Variants in INPP5A observed in about 807,000 individuals in gnomAD.
The protein encoded by INPP5A is inositol polyphosphate-5-phosphatase A, also known as 43 kDa inositol polyphosphate 5-phophatase.
INPP5A carries 14 observed loss-of-function variants against 65.2 expected under a neutral mutation model. The ratio of observed to expected loss-of-function variants is 0.21; its 90% CI spans 0.14 to 0.34. INPP5A has a LOEUF of 0.34. Among genes scored for constraint, INPP5A ranks in the 10% least tolerant of loss-of-function variants. The probability of loss-of-function intolerance (pLI) is 1.00; values close to 1 mark genes in which losing one functional copy is unlikely to be tolerated. For missense variants in INPP5A, 431 were observed against 545.6 expected (o/e 0.79, Z 2.09); for synonymous variants, 207 against 208.3 (o/e 0.99, Z 0.05).
chr10:132,599,292 G>A (rs573945501), intron 1 of INPP5A, among the ~76,000 whole-genome samples: 73 of 152,302 alleles, frequency 4.8e-4, no homozygotes, highest in Middle Eastern at 3.4e-3. Context: ...AAATACAGCC[G>A]TTCCAAATGG....
rs1022802402 is a variant in INPP5A at position 132,650,352 on chromosome 10, G to A, written c.219-66G>A. On this transcript the variant is annotated intron_variant, in intron 3 of 15. Transcript: ENST00000368594. This position sits in a 1 kb window ranked among gnomAD's most constrained non-coding sequence, Gnocchi z 5.5. Reference sequence around the variant, plus strand: ...TGCTGGAGCCCCTCTTATACCTTGTGGTCATCTCATGAGGTGCAAGGCGTC... The same window carrying A: ...TGCTGGAGCCCCTCTTATACCTTGTAGTCATCTCATGAGGTGCAAGGCGTC... 1.7e-5 allele frequency: 18 copies of A among 1,041,316 alleles called. No homozygotes were observed. Among genetic ancestry groups the A allele is most frequent in the Non-Finnish European group, 2.6e-5 (17 of 660,602 alleles). The allele number at this position is 1,041,316 out of a possible 1,614,324, so 64.5% of individuals were successfully genotyped here.
chr10:132,547,692 G>A lies in INPP5A; in HGVS notation c.75+9521G>A, dbSNP rs1476502301. ...GCTTGAGGGGCTCTTTTTTCAAAGGGTTCCTCCGGGACGCCTCGCCTAGGC... is the reference window on the plus strand; with the variant it reads ...GCTTGAGGGGCTCTTTTTTCAAAGGATTCCTCCGGGACGCCTCGCCTAGGC... On this transcript the variant is annotated intron_variant, in intron 1 of 15. Transcript: ENST00000368594. The surrounding 1 kb of genome is among the most constrained non-coding windows in gnomAD (Gnocchi z 5.5). Among the ~76,000 whole-genome samples, 2 of 152,056 alleles carry A rather than the reference G, an allele frequency of 1.3e-5. No homozygotes were observed. The highest frequency in any genetic ancestry group is 2.9e-5 in the Non-Finnish European group (2 of 67,998).
Position 132,702,109 on chromosome 10 carries a change from G to A in INPP5A, c.474+4190G>A, listed in dbSNP as rs569442334. Among the ~76,000 whole-genome samples the A allele has an allele frequency of 4.6e-5, 7 of 152,338 alleles. No homozygotes were observed. The East Asian group carries it at 7.7e-4, about 17-fold the overall frequency. On this transcript the variant is annotated intron_variant, in intron 6 of 15. Coordinates refer to ENST00000368594, the MANE Select transcript of INPP5A (RefSeq NM_005539.5). Reference sequence around the variant, plus strand: ...ATTTGTTCCTGCTGTAAAATCCCTCGAAACATAGTCTTAGTGCAGTGGTAG... The same window carrying A: ...ATTTGTTCCTGCTGTAAAATCCCTCAAAACATAGTCTTAGTGCAGTGGTAG...
intron 1 of INPP5A, among the ~76,000 whole-genome samples, chr10:132,607,397 G>A (rs962215098): frequency 6.6e-5 from 10 of 152,322 alleles, no homozygotes; most frequent in Admixed American, 5.2e-4. Context: ...CAGTTGTGAC[G>A]GACTCTATAA....
At position 132,551,932 on chromosome 10, in the gene INPP5A, A is replaced by T. The variant is rs2071056646; in HGVS notation, c.75+13761A>T. Among the ~76,000 whole-genome samples the T allele has an allele frequency of 6.6e-6, 1 of 152,346 alleles. No individual in the cohort carries two copies. The highest frequency in any genetic ancestry group is 2.1e-4 in the South Asian group (1 of 4,830). ...GCGGCCCAACCTGGCAGTACCCCCC[A>T]CACAGGGGTCCAGGTGTCCTCTGAT... On this transcript the variant is annotated intron_variant, in intron 1 of 15. Transcript: ENST00000368594. This position sits in a 1 kb window ranked among gnomAD's most constrained non-coding sequence, Gnocchi z 5.3.
intron 1 of INPP5A, among the ~76,000 whole-genome samples, chr10:132,591,558 C>G (rs1226718803): frequency 2.0e-5 from 3 of 152,210 alleles, no homozygotes; most frequent in Admixed American, 2.0e-4. Flanking sequence ...TGCAAAAGGT[C>G]GTTTGTGAGG....
Position 132,710,833 on chromosome 10 carries a change from G to A in INPP5A, c.647+377G>A, listed in dbSNP as rs533030759. ...GAGGTAGGTGTGCTGGGCAGGTATA[G>A]GTATGGGTGGAGAGGTAGGTGTGGG... On this transcript the variant is annotated intron_variant, in intron 8 of 15. Coordinates refer to ENST00000368594, the MANE Select transcript of INPP5A (RefSeq NM_005539.5). 2.7e-5 allele frequency among the ~76,000 whole-genome samples: 4 copies of A among 149,156 alleles called. No individual in the cohort carries two copies. In the South Asian group the frequency reaches 8.6e-4, roughly 32 times the overall value.
rs540367441 is a variant in INPP5A, at chr10:132,616,374, C to T, written c.117+8418C>T. The stretch of plus-strand genomic sequence containing the variant: ...TGGGGCACGTGGCGTGCGGGGACGC[C>T]GTGGGCGTGGTGTGAGGTATGTGGC... On this transcript the variant is annotated intron_variant, in intron 2 of 15. Coordinates refer to ENST00000368594, the MANE Select transcript of INPP5A (RefSeq NM_005539.5). The surrounding 1 kb of genome is among the most constrained non-coding windows in gnomAD (Gnocchi z 4.9). Among the ~76,000 whole-genome samples, 3 of 150,836 alleles carry T rather than the reference C, an allele frequency of 2.0e-5. No homozygotes were observed. Among genetic ancestry groups the T allele is most frequent in the East Asian group, 2.0e-4 (1 of 4,966 alleles).
At chr10:132,619,219 A>G (rs2072081202) in intron 2 of INPP5A, among the ~76,000 whole-genome samples, 1 of 152,258 alleles carries the variant, frequency 6.6e-6, no homozygotes, top group African/African-American at 2.4e-5. Flanking sequence ...GGTATTGGGT[A>G]AACATTTCTG....
chr10:132,538,216 G>T lies in INPP5A; in HGVS notation c.75+45G>T. 8.6e-7 allele frequency: 1 copy of T among 1,166,982 alleles called. No individual in the cohort carries two copies. Among genetic ancestry groups the T allele is most frequent in the South Asian group, 3.4e-5 (1 of 29,386 alleles). 72.3% of individuals were successfully genotyped at this position (1,166,982 alleles called of 1,614,324 possible). A position where few individuals can be genotyped will look rare whatever the true frequency, so the allele number is the denominator to read the frequency against. On this transcript the variant is annotated intron_variant, in intron 1 of 15. Coordinates refer to ENST00000368594, the MANE Select transcript of INPP5A (RefSeq NM_005539.5). This position sits in a 1 kb window ranked among gnomAD's most constrained non-coding sequence, Gnocchi z 4.1. Reference sequence around the variant, plus strand: ...GGCAGGCCCCAAGCCCGGAACCCCCGACCCTGACCCCGGGGTCCCGAACTG... The same window carrying T: ...GGCAGGCCCCAAGCCCGGAACCCCCTACCCTGACCCCGGGGTCCCGAACTG...
intron 2 of INPP5A, among the ~76,000 whole-genome samples, chr10:132,608,365 G>C (rs2071889082): frequency 6.6e-6 from 1 of 152,252 alleles, no homozygotes; most frequent in Non-Finnish European, 1.5e-5. Flanking sequence ...TGGGTGCTGG[G>C]CTGGGGGAGG....
intron 4 of INPP5A, among the ~76,000 whole-genome samples, chr10:132,660,289 C>T (rs1230766933): frequency 2.0e-5 from 3 of 152,100 alleles, no homozygotes; most frequent in Non-Finnish European, 4.4e-5. Flanking sequence ...GCAATATAAG[C>T]TTTAGAGGTA....
intron 11 of INPP5A, among the ~76,000 whole-genome samples, chr10:132,754,422 G>C (rs1157904866): frequency 6.6e-6 from 1 of 152,172 alleles, no homozygotes; most frequent in Non-Finnish European, 1.5e-5. Flanking sequence ...CTGCCCTGGG[G>C]TTTTCTCTCA....
intron 4 of INPP5A, among the ~76,000 whole-genome samples, chr10:132,666,081 A>G (rs958685820): frequency 2.4e-4 from 36 of 151,126 alleles, no homozygotes; most frequent in African/African-American, 8.7e-4. Context: ...GAGAAGAATG[A>G]TATAACCACA....
chr10:132,598,253 T>C (rs2071733360), intron 1 of INPP5A, among the ~76,000 whole-genome samples: 1 of 152,224 alleles, frequency 6.6e-6, no homozygotes, highest in South Asian at 2.1e-4. Context: ...AAAATGGGTA[T>C]AAAATTTTCC....
chr10:132,700,922 C>T (rs555110446), intron 6 of INPP5A, among the ~76,000 whole-genome samples: 4 of 152,286 alleles, frequency 2.6e-5, no homozygotes, highest in Admixed American at 2.6e-4. Flanking sequence ...TAATGTGAGG[C>T]CATTTTTAAA....
intron 1 of INPP5A, among the ~76,000 whole-genome samples, chr10:132,566,638 TG>T (rs2071278043): frequency 6.6e-6 from 1 of 152,252 alleles, no homozygotes; most frequent in South Asian, 2.1e-4. Flanking sequence ...TCTCGATAGA[TG>T]CTGAAAATGT....
At chr10:132,544,869 G>T (rs990845033) in intron 1 of INPP5A, among the ~76,000 whole-genome samples, 3 of 150,466 alleles carry the variant, frequency 2.0e-5, no homozygotes, top group African/African-American at 7.3e-5. Flanking sequence ...TTTACTTCCT[G>T]TTTTTTTATC....
At chr10:132,572,495 G>T (rs546122020) in intron 1 of INPP5A, among the ~76,000 whole-genome samples, 1 of 152,022 alleles carries the variant, frequency 6.6e-6, no homozygotes, top group South Asian at 2.1e-4. Context: ...ACGCCCGCCC[G>T]GGGCTGCTTT....
Sources: gnomAD v4.1 joint callset for allele counts (sites outside exome capture counted in the v4.1 genomes callset) on GRCh38, gnomAD v4.1.1 for gene constraint, Gnocchi (gnomAD v3.1) non-coding constraint, MANE v1.5 for transcripts, NCBI Gene and HGNC (gene_info 2026-07-23, HGNC 2026-07-21) for gene names.